The following ABCC4 variants were observed in gnomAD, a reference collection of about 807,000 sequenced individuals.
ABCC4 encodes the protein ATP binding cassette subfamily C member 4 (PEL blood group), also known as ATP-binding cassette sub-family C member 4.
Under a neutral mutation model 168.5 loss-of-function variants are expected in ABCC4, and 102 were observed. The observed-to-expected ratio is 0.61, with a 90% confidence interval of 0.52 to 0.71. The LOEUF (loss-of-function observed/expected upper bound fraction) is 0.71, where lower values mean the gene tolerates loss of function less well. Among genes scored for constraint, ABCC4 ranks in the 30% least tolerant of loss-of-function variants. The probability of loss-of-function intolerance (pLI) is 0.00; values close to 1 mark genes in which losing one functional copy is unlikely to be tolerated. For synonymous variants in ABCC4, 617 were observed against 590.7 expected (o/e 1.04, Z -0.65); for missense variants, 1,402 against 1,605.8 (o/e 0.87, Z 2.17).
chr13:95,084,878 A>AG (rs1783507346), intron 20 of ABCC4, among the ~76,000 whole-genome samples: 1 of 152,248 alleles, frequency 6.6e-6, no homozygotes, highest in Non-Finnish European at 1.5e-5. Context: ...AAAAGCAAGA[A>AG]GCATAAAAAC....
At chr13:95,115,524 A>C (rs1004530835) in intron 20 of ABCC4, among the ~76,000 whole-genome samples, 1 of 149,824 alleles carries the variant, frequency 6.7e-6, no homozygotes, top group Non-Finnish European at 1.5e-5. Context: ...AAAAGTGCCT[A>C]AGTATTTGCC....
chr13:95,105,557 G>A (rs2034974269), intron 20 of ABCC4, among the ~76,000 whole-genome samples: 1 of 152,172 alleles, frequency 6.6e-6, no homozygotes, highest in Non-Finnish European at 1.5e-5. Context: ...AGCTCCATTA[G>A]TGCTGCTATT....
At chr13:95,138,414 A>T (rs964020550) in intron 19 of ABCC4, among the ~76,000 whole-genome samples, 5 of 152,194 alleles carry the variant, frequency 3.3e-5, no homozygotes, top group African/African-American at 1.2e-4. Context: ...TATTATACTC[A>T]ATGCAATTAA....
Position 95,075,513 on chromosome 13 carries a change from G to A in ABCC4, c.2725C>T (p.Gln909Ter). 2 of 1,614,106 alleles carry A rather than the reference G, an allele frequency of 1.2e-6. No homozygotes were observed. The highest frequency in any genetic ancestry group is 1.7e-6 in the Non-Finnish European group (2 of 1,179,988). Reference sequence around the variant, plus strand: ...TATGCCCGGATGGTCCAGAGCCCCTGGAGAGAAGATGATAAGTGGGAAAAC... The same window carrying A: ...TATGCCCGGATGGTCCAGAGCCCCTAGAGAGAAGATGATAAGTGGGAAAAC... ...PVFSHLSSSL[Q>*]GLWTIRAYKA... Residue 909 changes from glutamine to a stop codon, truncating the protein, a stop_gained, in exon 22 of 31, where the codon CAG becomes TAG. Transcript: ENST00000645237. LOFTEE classifies it high-confidence loss of function.
chr13:95,206,658 C>G lies in ABCC4; in HGVS notation c.1035G>C (p.Val345=), dbSNP rs11568703. 6.2e-7 allele frequency: 1 copy of G among 1,614,170 alleles called. No individual in the cohort carries two copies. The highest frequency in any genetic ancestry group is 8.5e-7 in the Non-Finnish European group (1 of 1,180,038). ...CCACGAACACGCGGCTGGCTGTGAT[C>G]ACACTGCCGAGGAGCACGTAGGTGG... ...TFTTYVLLGS[V]ITASRVFVAV... Residue 345 remains valine (V), a synonymous_variant, in exon 8 of 31, where the codon GTG becomes GTC. Transcript: ENST00000645237.
Position 95,068,631 on chromosome 13 carries a change from T to C in ABCC4, c.3210+3031A>G, listed in dbSNP as rs185850840. Among the ~76,000 whole-genome samples the C allele has an allele frequency of 2.3e-3, 357 of 152,280 alleles. 2 individuals carry two copies. Among genetic ancestry groups the C allele is most frequent in the Middle Eastern group, 0.01 (3 of 294 alleles). On this transcript the variant is annotated intron_variant, in intron 25 of 30. Coordinates refer to ENST00000645237, the MANE Select transcript of ABCC4 (RefSeq NM_005845.5). ...AGACTCTGTCTCAAAAGCCAAGTGGTTGTAGCTATAATTCAGTCTTCAAAT... is the reference window on the plus strand; with the variant it reads ...AGACTCTGTCTCAAAAGCCAAGTGGCTGTAGCTATAATTCAGTCTTCAAAT...
intron 11 of ABCC4, 21 bp from the exon 12 acceptor site, chr13:95,178,112 A>AG (rs756415210): frequency 3.7e-6 from 6 of 1,605,060 alleles, no homozygotes; most frequent in African/African-American, 1.3e-5. Flanking sequence ...AAAGGAAAGA[A>AG]GGGGGGAAAA....
chr13:95,188,340 G>A (rs530243798), intron 10 of ABCC4, 113 bp downstream of exon 10: 42 of 933,528 alleles, frequency 4.5e-5, no homozygotes, highest in Middle Eastern at 2.1e-4. Context: ...GAGAAATGCC[G>A]TGCCAAGTGT....
chr13:95,115,502 C>A (rs1441690365), intron 20 of ABCC4, among the ~76,000 whole-genome samples: 65 of 141,032 alleles, frequency 4.6e-4, no homozygotes, highest in African/African-American at 6.7e-4. Context: ...TGGTTCTATC[C>A]AAAAAAAAAA....
chr13:95,075,152 T>C, intron 22 of ABCC4: 2 of 390,562 alleles, frequency 5.1e-6, no homozygotes, highest in Non-Finnish European at 9.3e-6. Context: ...AGGTGGCCTT[T>C]TGCAGAAAAC....
At chr13:95,181,534 C>A (rs943986461) in intron 11 of ABCC4, among the ~76,000 whole-genome samples, 2 of 152,216 alleles carry the variant, frequency 1.3e-5, no homozygotes, top group Non-Finnish European at 2.9e-5. Flanking sequence ...TTAGGAAGGA[C>A]CTGCCATATT....
intron 30 of ABCC4, among the ~76,000 whole-genome samples, chr13:95,025,355 CCCACA>C (rs2031447763): frequency 6.9e-5 from 1 of 14,422 alleles, no homozygotes. Context: ...CACCCACACC[CCCACA>C]CACACCCACA....
At chr13:95,260,458 C>T (rs1594398380) in intron 1 of ABCC4, among the ~76,000 whole-genome samples, 3 of 152,226 alleles carry the variant, frequency 2.0e-5, no homozygotes, top group African/African-American at 7.2e-5. Flanking sequence ...TGGTTATCAG[C>T]CAGGTCTGGG....
At chr13:95,244,659 AAG>A (rs2040056181) in intron 3 of ABCC4, among the ~76,000 whole-genome samples, 1 of 76,002 alleles carries the variant, frequency 1.3e-5, no homozygotes, top group Non-Finnish European at 2.8e-5. Flanking sequence ...GAAAGAAAGA[AAG>A]AAAGAAAGAA....
chr13:95,289,962 A>G (rs1217794681), intron 1 of ABCC4, among the ~76,000 whole-genome samples: 1 of 151,918 alleles, frequency 6.6e-6, no homozygotes, highest in Non-Finnish European at 1.5e-5. Context: ...CAGGCATGGT[A>G]GCGCATGCCT....
At chr13:95,201,872 C>T (rs1223562764) in intron 8 of ABCC4, among the ~76,000 whole-genome samples, 1 of 152,150 alleles carries the variant, frequency 6.6e-6, no homozygotes, top group African/African-American at 2.4e-5. Flanking sequence ...ACTCAGGAGG[C>T]TGAGGCAGGA....
chr13:95,187,084 T>C (rs1240840359), intron 10 of ABCC4, among the ~76,000 whole-genome samples, 192 bp from the exon 11 acceptor site: 3 of 152,144 alleles, frequency 2.0e-5, no homozygotes, highest in Non-Finnish European at 4.4e-5. Context: ...TAAGGAATAT[T>C]AACAAAATAG....
intron 26 of ABCC4, among the ~76,000 whole-genome samples, chr13:95,061,084 A>G (rs2033272730): frequency 6.6e-6 from 1 of 152,116 alleles, no homozygotes; most frequent in African/African-American, 2.4e-5. Context: ...ATTTCCTTCC[A>G]TTTTAAAGCT....
At chr13:95,271,031 C>T (rs964303967) in intron 1 of ABCC4, among the ~76,000 whole-genome samples, 1 of 152,076 alleles carries the variant, frequency 6.6e-6, no homozygotes, top group African/African-American at 2.4e-5. Flanking sequence ...GGAGGCGGAG[C>T]TTGCAGTGAG....
Sources: gnomAD v4.1 joint callset for allele counts (sites outside exome capture counted in the v4.1 genomes callset) on GRCh38, gnomAD v4.1.1 for gene constraint, MANE v1.5 for transcripts, NCBI Gene and HGNC (gene_info 2026-07-23, HGNC 2026-07-21) for gene names.